Variants in MPDZ observed in about 807,000 individuals in gnomAD.
MPDZ encodes the protein multiple PDZ domain crumbs cell polarity complex component.
A neutral mutation model predicts 239.1 loss-of-function variants in MPDZ; 234 were observed. The ratio of observed to expected loss-of-function variants is 0.98; its 90% CI spans 0.88 to 1.09. MPDZ has a LOEUF of 1.09. MPDZ is among the 50% of genes least tolerant of loss of function. The pLI, the probability that MPDZ is intolerant of heterozygous loss-of-function variation, is 0.00. For synonymous variants in MPDZ, 1,048 were observed against 881.3 expected (o/e 1.19, Z -3.35); for missense variants, 3,175 against 2,510.0 (o/e 1.26, Z -5.66).
chr9:13,140,034 T>C lies in MPDZ; in HGVS notation c.3956A>G (p.Lys1319Arg). The change falls in exon 28 of 47, where the codon AAA becomes AGA. Residue 1319 changes from lysine to arginine, a missense_variant. Coordinates refer to ENST00000319217, the MANE Select transcript of MPDZ (RefSeq NM_001378778.1). ...GSDHTQSSAS[K>R]ISQDVDKEDE... ...CTCTTTGTCCACATCTTGTGAGATT[T>C]TGCTTGCAGATGACTGTGTGTGATC... 1 of 1,613,564 alleles carries C rather than the reference T, an allele frequency of 6.2e-7. No individual in the cohort carries two copies. Among genetic ancestry groups the C allele is most frequent in the Non-Finnish European group, 8.5e-7 (1 of 1,179,720 alleles).
chr9:13,213,291 G>C (rs1002233077), intron 10 of MPDZ, among the ~76,000 whole-genome samples: 32 of 151,916 alleles, frequency 2.1e-4, no homozygotes, highest in African/African-American at 7.5e-4. Flanking sequence ...TGTTGACCCA[G>C]GGGTCCACAG....
chr9:13,117,264 T>C (rs1445900470), intron 39 of MPDZ, among the ~76,000 whole-genome samples: 1 of 152,096 alleles, frequency 6.6e-6, no homozygotes, highest in Non-Finnish European at 1.5e-5. Flanking sequence ...TATTTTATCA[T>C]GTTAAAATAG....
chr9:13,213,894 C>T (rs1957959574), intron 10 of MPDZ, among the ~76,000 whole-genome samples: 1 of 152,022 alleles, frequency 6.6e-6, no homozygotes, highest in Admixed American at 6.6e-5. Context: ...AATTATTAAA[C>T]TGCTATCAGA....
chr9:13,225,106 A>G (rs1960127725), intron 3 of MPDZ, among the ~76,000 whole-genome samples: 1 of 152,124 alleles, frequency 6.6e-6, no homozygotes, highest in African/African-American at 2.4e-5. Flanking sequence ...CACCAAGATC[A>G]GGTAATCTTC....
intron 1 of MPDZ, among the ~76,000 whole-genome samples, chr9:13,264,780 CA>C (rs1365920126): frequency 6.6e-6 from 1 of 152,050 alleles, no homozygotes; most frequent in African/African-American, 2.4e-5. Context: ...CTCTATTGGA[CA>C]GGGGACCCTC....
intron 18 of MPDZ, among the ~76,000 whole-genome samples, chr9:13,184,555 T>G (rs1587611434): frequency 6.6e-6 from 1 of 152,000 alleles, no homozygotes; most frequent in South Asian, 2.1e-4. Context: ...TCAAATATAC[T>G]TCATAGGCCT....
At chr9:13,174,491 ATC>A (rs1249154412) in intron 21 of MPDZ, among the ~76,000 whole-genome samples, 2 of 152,210 alleles carry the variant, frequency 1.3e-5, no homozygotes, top group African/African-American at 2.4e-5. Flanking sequence ...ACATTTGATA[ATC>A]TCTTAGTGAT....
At chr9:13,241,296 C>G (rs926285943) in intron 3 of MPDZ, among the ~76,000 whole-genome samples, 3 of 152,146 alleles carry the variant, frequency 2.0e-5, no homozygotes, top group African/African-American at 7.2e-5. Context: ...GGCTACAAAG[C>G]TCTATCATAA....
At chr9:13,137,295 A>G (rs1241075166) in intron 29 of MPDZ, among the ~76,000 whole-genome samples, 1 of 152,194 alleles carries the variant, frequency 6.6e-6, no homozygotes, top group Non-Finnish European at 1.5e-5. Flanking sequence ...TAAACAGCAC[A>G]GTGCCTAACG....
chr9:13,176,018 T>A, intron 20 of MPDZ, 118 bp downstream of exon 20: 2 of 1,420,256 alleles, frequency 1.4e-6, no homozygotes, highest in Non-Finnish European at 1.9e-6. Flanking sequence ...ATAGGTTGCC[T>A]TCTGAAAATC....
Position 13,193,271 on chromosome 9 carries a change from T to C in MPDZ, c.1699A>G (p.Ile567Val). Residue 567 changes from isoleucine to valine, a missense_variant, in exon 14 of 47, where the codon ATA (isoleucine) becomes GTA (valine). Ile to Val is a conservative substitution (Grantham distance 29). Coordinates refer to ENST00000319217, the MANE Select transcript of MPDZ (RefSeq NM_001378778.1). ...SKFSENSGLG[I>V]SLEATVGHHF... Reference sequence around the variant, plus strand: ...TGTCCCACTGTCGCTTCCAGGCTTATCCCCAATCCACTGTTCTCACTAAAC... The same window carrying C: ...TGTCCCACTGTCGCTTCCAGGCTTACCCCCAATCCACTGTTCTCACTAAAC... The C allele has an allele frequency of 6.2e-7, 1 of 1,611,968 alleles. No individual in the cohort carries two copies. The highest frequency in any genetic ancestry group is 8.5e-7 in the Non-Finnish European group (1 of 1,178,814).
chr9:13,279,287 A>ACCCCCGCCCCCG (rs1564192482), intron 1 of MPDZ, 113 bp downstream of exon 1: 38 of 38,520 alleles, frequency 9.9e-4, no homozygotes, highest in East Asian at 1.7e-3. Context: ...CCCCGCCCCC[A>ACCCCCGCCCCCG]CCCCCACCCC....
chr9:13,208,304 C>T (rs180982270), intron 10 of MPDZ, among the ~76,000 whole-genome samples: 1 of 152,016 alleles, frequency 6.6e-6, no homozygotes, highest in African/African-American at 2.4e-5. Flanking sequence ...ATTACCCAGG[C>T]GTATTGGCAC....
At chr9:13,113,859 G>C in intron 41 of MPDZ, 72 bp downstream of exon 41, 1 of 1,170,486 alleles carries the variant, frequency 8.5e-7, no homozygotes, top group Non-Finnish European at 1.2e-6. Context: ...AAAGCTCAGA[G>C]GTAAACAAGA....
At chr9:13,189,728 A>G (rs1371423494) in intron 16 of MPDZ, among the ~76,000 whole-genome samples, 2 of 152,206 alleles carry the variant, frequency 1.3e-5, no homozygotes, top group Admixed American at 1.3e-4. Flanking sequence ...CAGAAATATT[A>G]ATTGGAATAT....
At position 13,162,686 on chromosome 9, in the gene MPDZ, C is replaced by T; in HGVS notation, c.3359+5G>A. The T allele has an allele frequency of 6.3e-7, 1 of 1,586,914 alleles. No homozygotes were observed. Among genetic ancestry groups the T allele is most frequent in the Non-Finnish European group, 8.6e-7 (1 of 1,157,634 alleles). ...TCATTGTATTAGATTTAATGTTTCACTTACCTGCCAGTGTATGAAGAAAAA... is the reference window on the plus strand; with the variant it reads ...TCATTGTATTAGATTTAATGTTTCATTTACCTGCCAGTGTATGAAGAAAAA... On this transcript the variant is annotated splice_donor_5th_base_variant and intron_variant, in intron 23 of 46. Coordinates refer to ENST00000319217, the MANE Select transcript of MPDZ (RefSeq NM_001378778.1).
chr9:13,198,737 C>CTCTCTGTGTGTGTGTG (rs755487892), intron 12 of MPDZ, among the ~76,000 whole-genome samples: 2,166 of 69,244 alleles, frequency 0.031, 98 homozygotes, highest in East Asian at 0.062. Context: ...ATCTCTCTCT[C>CTCTCTGTGTGTGTGTG]TGTGTGTGTG....
chr9:13,148,592 T>C (rs1487000393), intron 25 of MPDZ, among the ~76,000 whole-genome samples: 1 of 152,028 alleles, frequency 6.6e-6, no homozygotes, highest in African/African-American at 2.4e-5. Flanking sequence ...CATATTAAAA[T>C]AGCTTCTAAC....
At chr9:13,208,794 T>C (rs995529636) in intron 10 of MPDZ, among the ~76,000 whole-genome samples, 1 of 152,052 alleles carries the variant, frequency 6.6e-6, no homozygotes, top group Non-Finnish European at 1.5e-5. Flanking sequence ...CTGATCTAGA[T>C]GAAAATCTCA....
Sources: allele counts gnomAD v4.1 joint callset (sites outside exome capture counted in the v4.1 genomes callset), GRCh38; gene constraint gnomAD v4.1.1; transcripts MANE v1.5; gene names NCBI Gene and HGNC (gene_info 2026-07-23, HGNC 2026-07-21).